Variants in CLSTN1 observed in about 807,000 individuals in gnomAD.
The protein encoded by CLSTN1 is calsyntenin-1.
In CLSTN1, 28 loss-of-function variants were observed where a neutral mutation model predicts 108.3. The observed-to-expected ratio is 0.26, with a 90% CI of 0.19 to 0.35. The LOEUF (loss-of-function observed/expected upper bound fraction) is 0.35. Among genes scored for constraint, CLSTN1 ranks in the 10% least tolerant of loss-of-function variants. The pLI, the probability that CLSTN1 is intolerant of heterozygous loss-of-function variation, is 1.00. For missense variants in CLSTN1, 1,157 were observed against 1,302.6 expected (o/e 0.89, Z 1.72); for synonymous variants, 524 against 534.9 (o/e 0.98, Z 0.28).
At chr1:9,781,750 T>C (rs974451877) in intron 1 of CLSTN1, among the ~76,000 whole-genome samples, 2 of 152,092 alleles carry the variant, frequency 1.3e-5, no homozygotes, top group Non-Finnish European at 1.5e-5. Flanking sequence ...GCTTATTCAC[T>C]TTTTTTAACG....
chr1:9,793,159 C>T (rs1653843237), intron 1 of CLSTN1, among the ~76,000 whole-genome samples: 1 of 151,250 alleles, frequency 6.6e-6, no homozygotes, highest in Non-Finnish European at 1.5e-5. Flanking sequence ...ACTATAAGCA[C>T]GCGCCACCAC....
intron 2 of CLSTN1, among the ~76,000 whole-genome samples, chr1:9,766,065 G>A (rs774161296): frequency 6.6e-6 from 1 of 152,078 alleles, no homozygotes; most frequent in Admixed American, 6.6e-5. Flanking sequence ...AGGGCTCCTC[G>A]GTGGGCTCTA....
chr1:9,813,709 T>C (rs915909743), intron 1 of CLSTN1, among the ~76,000 whole-genome samples: 1 of 152,172 alleles, frequency 6.6e-6, no homozygotes, highest in Non-Finnish European at 1.5e-5. Context: ...AGCCACTTAA[T>C]AGACAACCTT....
chr1:9,796,817 T>C (rs1178573004), intron 1 of CLSTN1, among the ~76,000 whole-genome samples: 1 of 152,186 alleles, frequency 6.6e-6, no homozygotes, highest in African/African-American at 2.4e-5. Context: ...TCATACTTGG[T>C]TGGCTCTGTT....
intron 1 of CLSTN1, among the ~76,000 whole-genome samples, chr1:9,822,655 A>C (rs1469558428): frequency 6.6e-6 from 1 of 152,218 alleles, no homozygotes; most frequent in Non-Finnish European, 1.5e-5. Flanking sequence ...ATCCACTCAG[A>C]AGCAAATACT....
chr1:9,770,029 C>CA (rs5772376), intron 2 of CLSTN1, among the ~76,000 whole-genome samples: 26 of 115,774 alleles, frequency 2.2e-4, no homozygotes, highest in South Asian at 1.1e-3. Flanking sequence ...GACTCCGTCT[C>CA]AAAAAAAAAA....
At chr1:9,819,996 C>T (rs1194081202) in intron 1 of CLSTN1, among the ~76,000 whole-genome samples, 1 of 152,036 alleles carries the variant, frequency 6.6e-6, no homozygotes, top group African/African-American at 2.4e-5. Flanking sequence ...ATCTAATATC[C>T]CCAATACTGC....
chr1:9,795,578 C>T (rs145621726), intron 1 of CLSTN1, among the ~76,000 whole-genome samples: 1,528 of 151,350 alleles, frequency 0.01, 24 homozygotes, highest in Non-Finnish European at 0.017. Flanking sequence ...CCAATAGAAG[C>T]ATAAGAGAAC....
rs1031011669 is a variant in CLSTN1 at position 9,816,182 on chromosome 1, A to T, written c.91+7461T>A. On this transcript the variant is annotated intron_variant, in intron 1 of 18. Transcript: ENST00000377298. ...AAGGATATATTATTTACCTATGAAA[A>T]GAAACGAAGTCCTGATACATGCTAC... Among the ~76,000 whole-genome samples the T allele has an allele frequency of 8.5e-5, 13 of 152,234 alleles. 1 individual carries two copies. Among genetic ancestry groups the T allele is most frequent in the African/African-American group, 3.1e-4 (13 of 41,470 alleles).
chr1:9,779,085 T>C (rs1318253177), intron 1 of CLSTN1, among the ~76,000 whole-genome samples: 3 of 151,334 alleles, frequency 2.0e-5, no homozygotes, highest in Non-Finnish European at 2.9e-5. Context: ...ACCTTTCTCC[T>C]GCGAGCCTCC....
At chr1:9,764,850 T>C (rs1652250694) in intron 2 of CLSTN1, among the ~76,000 whole-genome samples, 1 of 151,668 alleles carries the variant, frequency 6.6e-6, no homozygotes, top group African/African-American at 2.4e-5. Flanking sequence ...ACTTTTACAC[T>C]TTTTTTTATC....
intron 1 of CLSTN1, among the ~76,000 whole-genome samples, chr1:9,801,056 G>A (rs780821639): frequency 4.6e-5 from 7 of 151,970 alleles, no homozygotes; most frequent in Non-Finnish European, 8.8e-5. Flanking sequence ...AGACCACCCT[G>A]ACCAACATGG....
chr1:9,779,001 A>T (rs1653105300), intron 1 of CLSTN1, among the ~76,000 whole-genome samples: 1 of 149,690 alleles, frequency 6.7e-6, no homozygotes, highest in South Asian at 2.1e-4. Context: ...CCAGCCTGGG[A>T]GAGAAGCGAG....
At chr1:9,766,397 G>A (rs1395602388) in intron 2 of CLSTN1, among the ~76,000 whole-genome samples, 4 of 152,158 alleles carry the variant, frequency 2.6e-5, no homozygotes, top group East Asian at 1.9e-4. Flanking sequence ...GGTGGCTCAC[G>A]CCTGTAATCC....
At chr1:9,804,034 C>T (rs1467847682) in intron 1 of CLSTN1, among the ~76,000 whole-genome samples, 1 of 152,094 alleles carries the variant, frequency 6.6e-6, no homozygotes, top group Admixed American at 6.6e-5. Context: ...TTAACGTTTA[C>T]TTATATTTTT....
chr1:9,804,714 C>T (rs1654433267), intron 1 of CLSTN1, among the ~76,000 whole-genome samples: 1 of 152,062 alleles, frequency 6.6e-6, no homozygotes, highest in Non-Finnish European at 1.5e-5. Context: ...GGCATGTAGT[C>T]CCAGCTATTC....
chr1:9,729,677 G>T lies in CLSTN1; in HGVS notation c.*831C>A, dbSNP rs969801214. On this transcript the variant is annotated 3_prime_UTR_variant, in exon 19 of 19. Transcript: ENST00000377298. ...GGCCACTGCCCAGGGAGCTGCTGTCGGAGGAGGAGTGTGGAAAAGGGGCCA... is the reference window on the plus strand; with the variant it reads ...GGCCACTGCCCAGGGAGCTGCTGTCTGAGGAGGAGTGTGGAAAAGGGGCCA... The T allele has an allele frequency of 6.6e-6, 1 of 152,428 alleles. No homozygotes were observed. The highest frequency in any genetic ancestry group is 1.5e-5 in the Non-Finnish European group (1 of 68,174). 9.4% of individuals were successfully genotyped at this position (152,428 alleles called of 1,614,324 possible).
rs1387303406 is a variant in CLSTN1, at chr1:9,734,848, C to G, written c.2110+100G>C. ...GAGAACACCAACGAAAGATTAAAAC[C>G]TCCCCAAATCCCACAGAGACAAAGA... On this transcript the variant is annotated intron_variant, in intron 14 of 18. Transcript: ENST00000377298. This position sits in a 1 kb window ranked among gnomAD's most constrained non-coding sequence, Gnocchi z 4.8. 1 of 1,008,282 alleles carries G rather than the reference C, an allele frequency of 9.9e-7. No homozygotes were observed. The highest frequency in any genetic ancestry group is 1.5e-6 in the Non-Finnish European group (1 of 663,148). The allele number at this position is 1,008,282 out of a possible 1,614,324, so 62.5% of individuals were successfully genotyped here.
intron 11 of CLSTN1, among the ~76,000 whole-genome samples, chr1:9,736,936 G>A (rs1414639783): frequency 6.6e-6 from 1 of 152,152 alleles, no homozygotes; most frequent in Non-Finnish European, 1.5e-5. Flanking sequence ...AGCTGGGCAT[G>A]GTGGTGCATG....
Sources: allele counts gnomAD v4.1 joint callset (sites outside exome capture counted in the v4.1 genomes callset), GRCh38; gene constraint gnomAD v4.1.1; non-coding constraint Gnocchi (gnomAD v3.1); transcripts MANE v1.5; gene names NCBI Gene and HGNC (gene_info 2026-07-23, HGNC 2026-07-21).